RGS20: variants seen among roughly 807,000 people sequenced by gnomAD.
The protein encoded by RGS20 is gz-selective GTPase-activating protein.
RGS20 carries 30 observed loss-of-function variants against 33.6 expected under a neutral mutation model. The ratio of observed to expected loss-of-function variants is 0.89; its 90% CI spans 0.67 to 1.21. The LOEUF (loss-of-function observed/expected upper bound fraction) is 1.21. RGS20 is among the 50% of genes most tolerant of loss of function. The pLI is 0.00. For synonymous variants in RGS20, 208 were observed against 197.9 expected (o/e 1.05, Z -0.43); for missense variants, 472 against 502.4 (o/e 0.94, Z 0.58).
intron 1 of RGS20, among the ~76,000 whole-genome samples, chr8:53,872,505 G>A (rs1812100916): frequency 6.6e-6 from 1 of 152,152 alleles, no homozygotes; most frequent in Non-Finnish European, 1.5e-5. Context: ...CAAGCATCTA[G>A]GACAGTACCT....
rs893959282 is a variant in RGS20 at position 53,958,650 on chromosome 8, A to G, written c.*192A>G. ...GCAGCCACCTTTAGTGATACTTTTG[A>G]AAAAAAAAAATAAAGGGATATGGCT... On this transcript the variant is annotated 3_prime_UTR_variant, in exon 6 of 6. Coordinates refer to ENST00000297313, the MANE Select transcript of RGS20 (RefSeq NM_170587.4). 5.5e-5 allele frequency: 13 copies of G among 236,908 alleles called. No individual in the cohort carries two copies. Among genetic ancestry groups the G allele is most frequent in the African/African-American group, 9.6e-5 (4 of 41,722 alleles). 14.7% of individuals were successfully genotyped at this position (236,908 alleles called of 1,614,324 possible).
At chr8:53,892,152 G>T (rs1812727506) in intron 2 of RGS20, among the ~76,000 whole-genome samples, 1 of 151,992 alleles carries the variant, frequency 6.6e-6, no homozygotes, top group East Asian at 1.9e-4. Flanking sequence ...TTGGTTTTTT[G>T]TCCTTGTGAT....
In RGS20 at chr8:53,884,704, G is replaced by A. The variant is rs1418686866; in HGVS notation, c.510+5102G>A. 5.3e-5 allele frequency among the ~76,000 whole-genome samples: 8 copies of A among 152,068 alleles called. No individual in the cohort carries two copies. The East Asian group carries it at 7.7e-4, about 15-fold the overall frequency. ...ACACTGCTGATTTCCTGTTTACTAC[G>A]GATTAATGAACTGTTAACAGATAGA... On this transcript the variant is annotated intron_variant, in intron 2 of 5. Coordinates refer to ENST00000297313, the MANE Select transcript of RGS20 (RefSeq NM_170587.4).
At chr8:53,947,574 T>C (rs7387794) in intron 4 of RGS20, among the ~76,000 whole-genome samples, 3,345 of 112,460 alleles carry the variant, frequency 0.03, 67 homozygotes, top group Non-Finnish European at 0.036. Flanking sequence ...GGATATAGTA[T>C]ATACATTTAT....
At chr8:53,892,992 G>A (rs1812757512) in intron 2 of RGS20, among the ~76,000 whole-genome samples, 1 of 152,096 alleles carries the variant, frequency 6.6e-6, no homozygotes, top group Non-Finnish European at 1.5e-5. Context: ...TCCTGAAACT[G>A]AAGAATTTAG....
At chr8:53,883,369 G>A (rs532801591) in intron 2 of RGS20, among the ~76,000 whole-genome samples, 2 of 151,974 alleles carry the variant, frequency 1.3e-5, no homozygotes, top group East Asian at 3.9e-4. Context: ...TCTCCATGTT[G>A]GTCAGGCTGG....
chr8:53,946,839 A>G lies in RGS20; in HGVS notation c.743+91A>G, dbSNP rs1042345981. The G allele has an allele frequency of 5.0e-6, 5 of 992,872 alleles. No individual in the cohort carries two copies. The African/African-American group carries it at 6.6e-5, about 13-fold the overall frequency. The allele number at this position is 992,872 out of a possible 1,614,324, so 61.5% of individuals were successfully genotyped here. On this transcript the variant is annotated intron_variant, in intron 4 of 5. Coordinates refer to ENST00000297313, the MANE Select transcript of RGS20 (RefSeq NM_170587.4). Reference sequence around the variant, plus strand: ...CCTTGTATGTTTCAACAGAACACATACTTTCTCTAACTGTAATTTAGTAAT... The same window carrying G: ...CCTTGTATGTTTCAACAGAACACATGCTTTCTCTAACTGTAATTTAGTAAT...
At chr8:53,868,792 A>C (rs547945718) in intron 1 of RGS20, among the ~76,000 whole-genome samples, 1 of 151,922 alleles carries the variant, frequency 6.6e-6, no homozygotes, top group African/African-American at 2.4e-5. Context: ...TCCCTCTGTT[A>C]CCCATGTTGA....
At chr8:53,936,138 TATC>T (rs1417201534) in intron 2 of RGS20, among the ~76,000 whole-genome samples, 1 of 152,142 alleles carries the variant, frequency 6.6e-6, no homozygotes, top group Non-Finnish European at 1.5e-5. Flanking sequence ...CCACAACCAA[TATC>T]ATGTTGAATG....
Position 53,898,360 on chromosome 8 carries a change from A to T in RGS20, c.510+18758A>T, listed in dbSNP as rs545448304. Among the ~76,000 whole-genome samples the T allele has an allele frequency of 5.9e-5, 9 of 152,272 alleles. No homozygotes were observed. In the South Asian group the frequency reaches 8.3e-4, roughly 14 times the overall value. On this transcript the variant is annotated intron_variant, in intron 2 of 5. Transcript: ENST00000297313. ...TGTGGCCATTAGGGAGCACAGAAGG[A>T]GTGTTACCCTTTTTCTTTTGGGAGG...
At chr8:53,902,836 C>A (rs903597771) in intron 2 of RGS20, among the ~76,000 whole-genome samples, 6 of 152,202 alleles carry the variant, frequency 3.9e-5, no homozygotes, top group Admixed American at 6.5e-5. Flanking sequence ...AGTAATTCTC[C>A]TGCCTCAGCT....
At chr8:53,956,263 A>G (rs1814861166) in intron 5 of RGS20, among the ~76,000 whole-genome samples, 1 of 152,142 alleles carries the variant, frequency 6.6e-6, no homozygotes, top group Non-Finnish European at 1.5e-5. Context: ...GTGCTTACCA[A>G]ACTATTAGGG....
chr8:53,891,888 T>A (rs181085357), intron 2 of RGS20, among the ~76,000 whole-genome samples: 4,979 of 149,332 alleles, frequency 0.033, 128 homozygotes, highest in Non-Finnish European at 0.054. Context: ...GATTTTTTTT[T>A]AAATTATTAT....
chr8:53,928,892 A>G (rs534498425), intron 2 of RGS20, among the ~76,000 whole-genome samples: 65 of 152,342 alleles, frequency 4.3e-4, no homozygotes, highest in African/African-American at 1.4e-3. Flanking sequence ...TTCAGCAACC[A>G]TCAAAAAGGT....
intron 2 of RGS20, among the ~76,000 whole-genome samples, chr8:53,906,365 G>C (rs1035941052): frequency 6.6e-6 from 1 of 151,500 alleles, no homozygotes; most frequent in Non-Finnish European, 1.5e-5. Flanking sequence ...GACAGAGCAA[G>C]ACTCCATCTC....
intron 2 of RGS20, among the ~76,000 whole-genome samples, chr8:53,936,187 A>G (rs1041782328): frequency 2.0e-4 from 30 of 152,222 alleles, no homozygotes; most frequent in Admixed American, 5.9e-4. Flanking sequence ...GAAAACTGGC[A>G]CAAGACAAGA....
intron 1 of RGS20, among the ~76,000 whole-genome samples, chr8:53,871,747 C>A (rs1446695417): frequency 3.9e-5 from 6 of 152,160 alleles, no homozygotes; most frequent in Admixed American, 3.9e-4. Flanking sequence ...TGTTGACTTC[C>A]TGACTAAATG....
intron 2 of RGS20, among the ~76,000 whole-genome samples, chr8:53,924,406 T>C (rs1813737096): frequency 1.3e-5 from 2 of 152,082 alleles, no homozygotes; most frequent in African/African-American, 4.8e-5. Context: ...CAGGCTGGTC[T>C]TGAACTCCTG....
intron 2 of RGS20, among the ~76,000 whole-genome samples, chr8:53,932,756 C>G (rs1794862498): frequency 1.3e-5 from 2 of 152,214 alleles, no homozygotes; most frequent in African/African-American, 4.8e-5. Flanking sequence ...TCTCCCAGCA[C>G]AGTGCTTGAG....
Sources: gnomAD v4.1 joint callset for allele counts (sites outside exome capture counted in the v4.1 genomes callset) on GRCh38, gnomAD v4.1.1 for gene constraint, MANE v1.5 for transcripts, NCBI Gene and HGNC (gene_info 2026-07-23, HGNC 2026-07-21) for gene names.